The following EZH2 variants were observed in gnomAD, a reference collection of about 807,000 sequenced individuals.
The protein encoded by EZH2 is enhancer of zeste 2 polycomb repressive complex 2 subunit.
A neutral mutation model predicts 98.4 loss-of-function variants in EZH2; 18 were observed. The ratio of observed to expected loss-of-function variants is 0.18; its 90% confidence interval spans 0.13 to 0.27. The LOEUF (loss-of-function observed/expected upper bound fraction) is 0.27. Among genes scored for constraint, EZH2 ranks in the 10% least tolerant of loss-of-function variants. The pLI is 1.00. For synonymous variants in EZH2, 338 were observed against 312.3 expected (o/e 1.08, Z -0.87); for missense variants, 470 against 935.1 (o/e 0.50, Z 6.49).
intron 3 of EZH2, among the ~76,000 whole-genome samples, chr7:148,838,648 A>C (rs935974674): frequency 3.3e-5 from 5 of 152,262 alleles, no homozygotes; most frequent in African/African-American, 9.6e-5. Flanking sequence ...AATGGAACAG[A>C]GAGTATTATA....
At chr7:148,826,860 TTTAAC>T (rs1807856506) in intron 7 of EZH2, among the ~76,000 whole-genome samples, 1 of 152,190 alleles carries the variant, frequency 6.6e-6, no homozygotes, top group African/African-American at 2.4e-5. Flanking sequence ...TTATATTAGT[TTTAAC>T]TAAACATCAA....
chr7:148,833,337 G>A (rs1003936366), intron 3 of EZH2, among the ~76,000 whole-genome samples: 4 of 151,648 alleles, frequency 2.6e-5, no homozygotes, highest in African/African-American at 9.7e-5. Context: ...CGCGCCTGTA[G>A]TCCCAGCTAC....
At chr7:148,853,726 G>A (rs1364450765) in intron 1 of EZH2, among the ~76,000 whole-genome samples, 7 of 152,198 alleles carry the variant, frequency 4.6e-5, no homozygotes, top group Non-Finnish European at 8.8e-5. Flanking sequence ...GTATGTACAT[G>A]TTCAGTACAC....
At chr7:148,819,766 G>T in intron 8 of EZH2, 79 bp from the exon 9 acceptor site, 1 of 1,217,128 alleles carries the variant, frequency 8.2e-7, no homozygotes, top group Non-Finnish European at 1.2e-6. Flanking sequence ...CACTGGAAAA[G>T]TCAATTAATG....
intron 1 of EZH2, among the ~76,000 whole-genome samples, chr7:148,869,763 A>G (rs1313144516): frequency 6.6e-6 from 1 of 152,224 alleles, no homozygotes; most frequent in Non-Finnish European, 1.5e-5. Context: ...CTCAGTAAAC[A>G]CAAGTTGTTC....
intron 1 of EZH2, among the ~76,000 whole-genome samples, chr7:148,859,660 G>A (rs1040635831): frequency 6.6e-6 from 1 of 152,202 alleles, no homozygotes; most frequent in Admixed American, 6.5e-5. Context: ...AGCCCCAGCT[G>A]TGTGGCAAAG....
At chr7:148,871,645 G>C (rs1231769838) in intron 1 of EZH2, among the ~76,000 whole-genome samples, 3 of 150,054 alleles carry the variant, frequency 2.0e-5, no homozygotes, top group Admixed American at 6.7e-5. Flanking sequence ...ATGAATAACA[G>C]CTCACTGCAG....
chr7:148,828,901 G>GA (rs1339416829), intron 5 of EZH2, 21 bp from the exon 6 acceptor site: 2 of 1,586,118 alleles, frequency 1.3e-6, no homozygotes, highest in Admixed American at 3.6e-5. Context: ...TCAAATGTCA[G>GA]AAACACACAG....
chr7:148,821,428 A>G (rs918108143), intron 8 of EZH2, among the ~76,000 whole-genome samples: 10 of 152,220 alleles, frequency 6.6e-5, no homozygotes, highest in African/African-American at 2.4e-4. Flanking sequence ...AGTTAGACTT[A>G]ACCCTTATAT....
chr7:148,832,149 C>G (rs762284717), intron 4 of EZH2, among the ~76,000 whole-genome samples: 16 of 152,294 alleles, frequency 1.1e-4, no homozygotes, highest in Admixed American at 2.6e-4. Context: ...AGTACAATGG[C>G]ACAATCTCAG....
intron 19 of EZH2, among the ~76,000 whole-genome samples, chr7:148,808,786 C>T (rs528443773): frequency 2.0e-5 from 3 of 152,078 alleles, no homozygotes; most frequent in Non-Finnish European, 4.4e-5. Flanking sequence ...ATGCAGCATG[C>T]GGCATGATAT....
chr7:148,857,668 T>C (rs1817029352), intron 1 of EZH2, among the ~76,000 whole-genome samples: 2 of 151,936 alleles, frequency 1.3e-5, no homozygotes, highest in South Asian at 2.1e-4. Flanking sequence ...GGAGAATTGC[T>C]TGAACCCAGG....
At chr7:148,817,070 A>G (rs1270694148) in intron 11 of EZH2, 152 bp downstream of exon 11, 1 of 719,352 alleles carries the variant, frequency 1.4e-6, no homozygotes, top group African/African-American at 1.8e-5. Context: ...AATAATTTTC[A>G]TTCAATTCCC....
chr7:148,875,246 ATTTG>A (rs1191537974), intron 1 of EZH2, among the ~76,000 whole-genome samples: 3 of 152,220 alleles, frequency 2.0e-5, no homozygotes, highest in African/African-American at 7.2e-5. Flanking sequence ...ATTAAGGACA[ATTTG>A]TTTCACATAA....
At chr7:148,831,131 G>C (rs191726026) in intron 4 of EZH2, among the ~76,000 whole-genome samples, 2 of 152,214 alleles carry the variant, frequency 1.3e-5, no homozygotes, top group Non-Finnish European at 2.9e-5. Context: ...AGCAGCCAGG[G>C]AATGTGGAAA....
chr7:148,872,995 T>C (rs73158285), intron 1 of EZH2, among the ~76,000 whole-genome samples: 7,746 of 152,052 alleles, frequency 0.051, 281 homozygotes, highest in Admixed American at 0.11. Context: ...GGGCAACATA[T>C]AAGACCCCAA....
At chr7:148,832,576 G>T in intron 4 of EZH2, 58 bp downstream of exon 4, 2 of 922,636 alleles carry the variant, frequency 2.2e-6, no homozygotes, top group Non-Finnish European at 3.4e-6. Context: ...AATTATCTAT[G>T]CTTTTTTACT....
intron 3 of EZH2, among the ~76,000 whole-genome samples, chr7:148,836,153 C>A (rs1562988500): frequency 6.6e-6 from 1 of 151,856 alleles, no homozygotes; most frequent in Non-Finnish European, 1.5e-5. Flanking sequence ...CACAGTGTCT[C>A]AAAAAAACAG....
At chr7:148,808,723 A>C (rs1222879494) in intron 19 of EZH2, among the ~76,000 whole-genome samples, 2 of 152,158 alleles carry the variant, frequency 1.3e-5, no homozygotes, top group East Asian at 3.8e-4. Context: ...GTTGCAGAAA[A>C]ATCTATAGGA....
Sources: allele counts gnomAD v4.1 joint callset (sites outside exome capture counted in the v4.1 genomes callset), GRCh38; gene constraint gnomAD v4.1.1; transcripts MANE v1.5; gene names NCBI Gene and HGNC (gene_info 2026-07-23, HGNC 2026-07-21).